NEDD4L: variants seen among roughly 807,000 people sequenced by gnomAD.
The protein encoded by NEDD4L is NEDD4 like E3 ubiquitin protein ligase, also known as E3 ubiquitin-protein ligase NEDD4-like.
In NEDD4L, 54 loss-of-function variants were observed where a neutral mutation model predicts 148.9. That is an observed-to-expected ratio of 0.36 (90% CI 0.29 to 0.45). The LOEUF (loss-of-function observed/expected upper bound fraction) is 0.45. Among genes scored for constraint, NEDD4L ranks in the 20% least tolerant of loss-of-function variants. NEDD4L has a pLI of 1.00. For missense variants in NEDD4L, 856 were observed against 1,233.8 expected (o/e 0.69, Z 4.59); for synonymous variants, 433 against 440.7 (o/e 0.98, Z 0.22).
chr18:58,124,316 C>A (rs1568249940), intron 1 of NEDD4L, among the ~76,000 whole-genome samples: 1 of 152,210 alleles, frequency 6.6e-6, no homozygotes, highest in South Asian at 2.1e-4. Context: ...CTTCCTCCGC[C>A]TGCGGTGCCT....
intron 11 of NEDD4L, among the ~76,000 whole-genome samples, chr18:58,333,564 A>T: frequency 6.6e-6 from 1 of 152,158 alleles, no homozygotes; most frequent in African/African-American, 2.4e-5. Context: ...CTCCTTTCTG[A>T]AAGTTTTGGT....
At chr18:58,070,347 C>CT (rs1194464914) in intron 1 of NEDD4L, among the ~76,000 whole-genome samples, 1 of 152,068 alleles carries the variant, frequency 6.6e-6, no homozygotes, top group Non-Finnish European at 1.5e-5. Context: ...TCACTGCAGC[C>CT]TCAACCTCCT....
rs2050806854 is a variant in NEDD4L, at chr18:58,400,903, T to C, written c.*4634T>C. On this transcript the variant is annotated 3_prime_UTR_variant, in exon 31 of 31. Transcript: ENST00000400345. ...TTTACTACTCTGTATGTAATATATA[T>C]ACATATATACGTACATATGCTGTCC... is the stretch of plus-strand genomic sequence containing the variant. 1 of 152,198 alleles carries C rather than the reference T, an allele frequency of 6.6e-6. No homozygotes were observed. The highest frequency in any genetic ancestry group is 1.5e-5 in the Non-Finnish European group (1 of 68,028). The allele number at this position is 152,198 out of a possible 1,614,324, so 9.4% of individuals were successfully genotyped here.
chr18:58,304,853 T>C (rs573129932), intron 5 of NEDD4L, among the ~76,000 whole-genome samples: 6 of 152,324 alleles, frequency 3.9e-5, no homozygotes, highest in African/African-American at 1.4e-4. Context: ...ACTTTTGAGG[T>C]CCCTCCTAAA....
chr18:58,109,728 AC>A (rs1329940876), intron 1 of NEDD4L, among the ~76,000 whole-genome samples: 4 of 151,624 alleles, frequency 2.6e-5, no homozygotes, highest in Non-Finnish European at 5.9e-5. Flanking sequence ...CCCCCACCAC[AC>A]CTGGCTAATT....
chr18:58,303,862 ACTTTT>A (rs772322698), intron 5 of NEDD4L, among the ~76,000 whole-genome samples: 35 of 152,196 alleles, frequency 2.3e-4, no homozygotes, highest in Non-Finnish European at 4.0e-4. Flanking sequence ...AACTTACATT[ACTTTT>A]CTTTTGATGT....
chr18:58,175,625 A>G (rs992582084), intron 2 of NEDD4L, among the ~76,000 whole-genome samples: 1 of 152,252 alleles, frequency 6.6e-6, no homozygotes, highest in Non-Finnish European at 1.5e-5. Context: ...TGTTTGTCTT[A>G]AAATCCCTGC....
intron 5 of NEDD4L, among the ~76,000 whole-genome samples, chr18:58,288,409 C>T (rs2054230864): frequency 6.6e-6 from 1 of 152,114 alleles, no homozygotes; most frequent in African/African-American, 2.4e-5. Flanking sequence ...AAGTTGTGGA[C>T]ATATAAGTAT....
intron 20 of NEDD4L, among the ~76,000 whole-genome samples, chr18:58,365,062 G>T (rs569937134): frequency 1.8e-3 from 272 of 152,250 alleles, no homozygotes; most frequent in African/African-American, 6.3e-3. Context: ...GGTGGCCTGG[G>T]CTCCATTGCC....
intron 7 of NEDD4L, among the ~76,000 whole-genome samples, chr18:58,322,747 A>G (rs1195343244): frequency 6.4e-5 from 5 of 78,314 alleles, no homozygotes; most frequent in Admixed American, 1.6e-4. Context: ...CTGTGGGTGT[A>G]GGTGGGGATG....
chr18:58,342,132 T>C (rs774031137), intron 15 of NEDD4L, among the ~76,000 whole-genome samples: 5 of 152,260 alleles, frequency 3.3e-5, no homozygotes, highest in Non-Finnish European at 7.3e-5. Context: ...TAATCCCTCT[T>C]TCAAATACCA....
intron 1 of NEDD4L, among the ~76,000 whole-genome samples, chr18:58,135,197 A>G (rs1038299916): frequency 6.6e-6 from 1 of 152,180 alleles, no homozygotes; most frequent in African/African-American, 2.4e-5. Context: ...GTACACGATG[A>G]ATGGATAAAT....
Position 58,209,006 on chromosome 18 carries a change from TTG to T in NEDD4L, c.123-36419_123-36418del, listed in dbSNP as rs776945162. 5.9e-5 allele frequency among the ~76,000 whole-genome samples: 9 copies of T among 151,686 alleles called. No homozygotes were observed. The East Asian group carries it at 7.7e-4, about 13-fold the overall frequency. On this transcript the variant is annotated intron_variant, in intron 2 of 30. Coordinates refer to ENST00000400345, the MANE Select transcript of NEDD4L (RefSeq NM_001144967.3). Reference sequence around the variant, plus strand: ...AGGATTCATTCCAGTGGGAATTTTTTTGTTTGTTGGTTAGTTTTTTAAGCCTG... The same window carrying T: ...AGGATTCATTCCAGTGGGAATTTTTTTTTGTTGGTTAGTTTTTTAAGCCTG...
intron 24 of NEDD4L, among the ~76,000 whole-genome samples, chr18:58,374,620 C>A (rs750854002): frequency 6.6e-6 from 1 of 151,954 alleles, no homozygotes; most frequent in African/African-American, 2.4e-5. Context: ...TCCCCAGGAC[C>A]GAGAGTACTG....
chr18:58,171,876 A>G (rs2037548821), intron 2 of NEDD4L, among the ~76,000 whole-genome samples: 1 of 152,218 alleles, frequency 6.6e-6, no homozygotes, highest in South Asian at 2.1e-4. Flanking sequence ...CAAGCTCAAG[A>G]GTGGGCTCAG....
intron 1 of NEDD4L, among the ~76,000 whole-genome samples, chr18:58,126,908 C>T (rs1424177852): frequency 2.0e-5 from 3 of 152,236 alleles, no homozygotes; most frequent in African/African-American, 7.2e-5. Flanking sequence ...CCCCAGCACC[C>T]AGGGGTGAGG....
intron 1 of NEDD4L, among the ~76,000 whole-genome samples, chr18:58,160,403 T>C (rs1279705971): frequency 6.6e-6 from 1 of 152,208 alleles, no homozygotes; most frequent in East Asian, 1.9e-4. Flanking sequence ...ATGTAAAGCT[T>C]ATAGAATCAC....
chr18:58,173,367 A>G (rs2037735039), intron 2 of NEDD4L, among the ~76,000 whole-genome samples: 1 of 152,250 alleles, frequency 6.6e-6, no homozygotes, highest in Non-Finnish European at 1.5e-5. Context: ...CAAGACATTC[A>G]TTCACAGTTG....
chr18:58,233,816 T>A (rs147318370), intron 2 of NEDD4L, among the ~76,000 whole-genome samples: 87 of 152,380 alleles, frequency 5.7e-4, no homozygotes, highest in African/African-American at 2.0e-3. Context: ...AGCAGGATTC[T>A]GCTGTCTCTG....
Sources: allele counts gnomAD v4.1 joint callset (sites outside exome capture counted in the v4.1 genomes callset), GRCh38; gene constraint gnomAD v4.1.1; transcripts MANE v1.5; gene names NCBI Gene and HGNC (gene_info 2026-07-23, HGNC 2026-07-21).